Variants in MAP3K20 observed in about 807,000 individuals in gnomAD.
MAP3K20 encodes mitogen-activated protein kinase kinase kinase 20, also known as HCCS-4.
A neutral mutation model predicts 85.7 loss-of-function variants in MAP3K20; 40 were observed. The observed-to-expected ratio is 0.47, with a 90% CI of 0.36 to 0.61. The LOEUF is 0.61. Among genes scored for constraint, MAP3K20 ranks in the 20% least tolerant of loss-of-function variants. MAP3K20 has a pLI of 0.00. For missense variants in MAP3K20, 817 were observed against 961.7 expected (o/e 0.85, Z 1.99); for synonymous variants, 325 against 327.7 (o/e 0.99, Z 0.09).
rs55824253 is a variant in MAP3K20 at position 173,209,827 on chromosome 2, G to T, written c.843G>T (p.Ala281=). ...GTAACTCATTCCTACACAACAAGGC[G>T]GAGTGGAGGTGGGTAGCCCCGACAG... ...DKCNSFLHNK[A]EWRCEIEATL... Residue 281 remains alanine (A), a synonymous_variant, in exon 10 of 20, where the codon GCG becomes GCT. Transcript: ENST00000375213. The T allele has an allele frequency of 6.2e-7, 1 of 1,614,086 alleles. No individual in the cohort carries two copies. The highest frequency in any genetic ancestry group is 1.1e-5 in the South Asian group (1 of 91,084).
At chr2:173,258,576 GAAAA>G (rs11326134) in intron 16 of MAP3K20, 119 bp from the exon 17 acceptor site, 3 of 507,660 alleles carry the variant, frequency 5.9e-6, no homozygotes, top group Non-Finnish European at 1.0e-5. Flanking sequence ...ATTGAAAAAG[GAAAA>G]AAAAAAAAGC....
chr2:173,224,033 A>G (rs1292169433), intron 11 of MAP3K20: 2 of 983,156 alleles, frequency 2.0e-6, no homozygotes, highest in Middle Eastern at 5.2e-4. Context: ...GAAGATAGCT[A>G]GATGAAAATC....
intron 3 of MAP3K20, among the ~76,000 whole-genome samples, chr2:173,181,170 G>T (rs1408130065): frequency 6.6e-6 from 1 of 152,124 alleles, no homozygotes; most frequent in Admixed American, 6.6e-5. Flanking sequence ...CAAATTAAAA[G>T]CACTGTGAGA....
At chr2:173,263,409 G>A (rs558039924) in intron 18 of MAP3K20, among the ~76,000 whole-genome samples, 33 of 152,256 alleles carry the variant, frequency 2.2e-4, no homozygotes, top group African/African-American at 7.9e-4. Context: ...GAGGTAAGTT[G>A]AGATTTGTCA....
At chr2:173,203,699 A>AAAAT in intron 8 of MAP3K20, 97 bp from the exon 9 acceptor site, 1 of 935,610 alleles carries the variant, frequency 1.1e-6, no homozygotes, top group South Asian at 1.4e-5. Flanking sequence ...TTATGTTCTT[A>AAAAT]AAATAACTCT....
At chr2:173,211,478 C>T (rs1204254402) in intron 10 of MAP3K20, 1 of 152,338 alleles carries the variant, frequency 6.6e-6, no homozygotes, top group Non-Finnish European at 1.5e-5. Context: ...TGCCGTCACA[C>T]CCCACCTTAA....
Position 173,091,146 on chromosome 2 carries a change from G to A in MAP3K20, c.115G>A (p.Asp39Asn), listed in dbSNP as rs1335939372. The change falls in exon 2 of 20, where the codon GAC (aspartate) becomes AAC (asparagine). Residue 39 changes from aspartate to asparagine, a missense_variant. Around this residue, in one of 4 missense-constraint regions of MAP3K20, gnomAD observed 200 missense variants for 302.7 expected, o/e 0.66. Coordinates refer to ENST00000375213, the MANE Select transcript of MAP3K20 (RefSeq NM_016653.3). ...TTATCGAGCCAAATGGATATCACAGGACAAGGAGGTGGCTGTAAAGAAGCT... is the reference window on the plus strand; with the variant it reads ...TTATCGAGCCAAATGGATATCACAGAACAAGGAGGTGGCTGTAAAGAAGCT... ...SVYRAKWISQ[D>N]KEVAVKKLLK... 1 of 1,613,982 alleles carries A rather than the reference G, an allele frequency of 6.2e-7. No homozygotes were observed. Among genetic ancestry groups the A allele is most frequent in the East Asian group, 2.2e-5 (1 of 44,862 alleles).
intron 10 of MAP3K20, chr2:173,212,760 C>T (rs945586436): frequency 1.4e-5 from 2 of 141,650 alleles, no homozygotes; most frequent in East Asian, 2.1e-4. Flanking sequence ...GATCTGGCCA[C>T]GACACTCCAG....
At chr2:173,259,546 C>A (rs1685238413) in intron 17 of MAP3K20, among the ~76,000 whole-genome samples, 1 of 152,188 alleles carries the variant, frequency 6.6e-6, no homozygotes, top group Non-Finnish European at 1.5e-5. Context: ...AACTGTAATA[C>A]ACTATTCACC....
At chr2:173,091,216 A>G (rs1687288913) in intron 2 of MAP3K20, 26 bp downstream of exon 2, 1 of 1,603,158 alleles carries the variant, frequency 6.2e-7, no homozygotes, top group East Asian at 2.2e-5. Context: ...GCTGACAGAA[A>G]CAGTCACGAT....
At chr2:173,085,738 T>G (rs1687124785) in intron 1 of MAP3K20, among the ~76,000 whole-genome samples, 1 of 150,840 alleles carries the variant, frequency 6.6e-6, no homozygotes, top group South Asian at 2.1e-4. Flanking sequence ...AAACTAAAAC[T>G]GAGCATTGTT....
At chr2:173,159,402 C>CT (rs67029113) in intron 2 of MAP3K20, among the ~76,000 whole-genome samples, 75,059 of 123,038 alleles carry the variant, frequency 0.61, 21,837 homozygotes, top group Non-Finnish European at 0.73. Context: ...TTCCTTCCTT[C>CT]TTTTTTTTTT....
intron 2 of MAP3K20, among the ~76,000 whole-genome samples, chr2:173,165,706 C>T (rs1483357622): frequency 6.6e-6 from 1 of 152,182 alleles, no homozygotes; most frequent in Non-Finnish European, 1.5e-5. Context: ...GGGTCTCACT[C>T]TGTTGCCCAG....
intron 2 of MAP3K20, among the ~76,000 whole-genome samples, chr2:173,131,154 A>G (rs573762295): frequency 4.6e-5 from 7 of 152,084 alleles, no homozygotes; most frequent in Non-Finnish European, 8.8e-5. Context: ...TCCTGTGCAT[A>G]CTCTCATTTT....
upstream of MAP3K20, chr2:173,075,812 G>C (rs1409338423): frequency 3.0e-6 from 3 of 985,384 alleles, no homozygotes; most frequent in African/African-American, 5.2e-5. Context: ...TTTCGCGCCG[G>C]GAGGTAGGTG....
At position 173,191,156 on chromosome 2, in the gene MAP3K20, T is replaced by C; in HGVS notation, c.561T>C (p.Cys187=). Reference sequence around the variant, plus strand: ...AGAGTCTCCCTGTGTCAGAAACTTGTGACACATATTCCTATGGTGTGGTGA... The same window carrying C: ...AGAGTCTCCCTGTGTCAGAAACTTGCGACACATATTCCTATGGTGTGGTGA... ...VIQSLPVSET[C]DTYSYGVVLW... The change falls in exon 7 of 20, where the codon TGT becomes TGC. Residue 187 remains cysteine, a synonymous_variant. Transcript: ENST00000375213. 6.2e-7 allele frequency: 1 copy of C among 1,614,008 alleles called. No individual in the cohort carries two copies. Among genetic ancestry groups the C allele is most frequent in the Non-Finnish European group, 8.5e-7 (1 of 1,179,918 alleles).
At chr2:173,121,535 C>T (rs575204484) in intron 2 of MAP3K20, among the ~76,000 whole-genome samples, 17 of 152,064 alleles carry the variant, frequency 1.1e-4, no homozygotes, top group African/African-American at 3.9e-4. Flanking sequence ...TACAGGCGCC[C>T]GCCACCACGC....
chr2:173,085,651 C>T (rs986559184), intron 1 of MAP3K20, among the ~76,000 whole-genome samples: 1 of 152,040 alleles, frequency 6.6e-6, no homozygotes, highest in Non-Finnish European at 1.5e-5. Flanking sequence ...TCTAACTTAC[C>T]CTTCAGTATT....
chr2:173,242,436 G>A lies in MAP3K20; in HGVS notation c.1359+2940G>A, dbSNP rs543061665. Among the ~76,000 whole-genome samples, 60 of 151,832 alleles carry A rather than the reference G, an allele frequency of 4.0e-4. No individual in the cohort carries two copies. The East Asian group carries it at 8.7e-3, about 22-fold the overall frequency. ...CGCCCACCTCGGCCTCCCAAAGTGC[G>A]GGATTACAGGCGTGAGCAACTGCGC... On this transcript the variant is annotated intron_variant, in intron 16 of 19. Transcript: ENST00000375213.
Sources: gnomAD v4.1 joint callset for allele counts (sites outside exome capture counted in the v4.1 genomes callset) on GRCh38, gnomAD v4.1.1 for gene constraint, gnomAD v4.1.1 regional missense constraint, MANE v1.5 for transcripts, NCBI Gene and HGNC (gene_info 2026-07-23, HGNC 2026-07-21) for gene names.